Variants in CACHD1 observed in about 807,000 individuals in gnomAD.
CACHD1 encodes VWFA and cache domain-containing protein 1.
CACHD1 carries 71 observed loss-of-function variants against 138.7 expected under a neutral mutation model. The ratio of observed to expected loss-of-function variants is 0.51; its 90% CI spans 0.42 to 0.62. The LOEUF is 0.62. CACHD1 is among the 20% of genes least tolerant of loss of function. CACHD1 has a pLI of 0.00. For synonymous variants in CACHD1, 578 were observed against 591.5 expected, an observed-to-expected ratio of 0.98 and a Z score of 0.33; for missense variants, 1,389 against 1,625.3, an observed-to-expected ratio of 0.85 and a Z score of 2.50.
Position 64,675,564 on chromosome 1 carries a change from A to C in CACHD1, c.2888+3A>C. The C allele has an allele frequency of 6.2e-7, 1 of 1,605,452 alleles. No individual in the cohort carries two copies. On this transcript the variant is annotated splice_donor_region_variant and intron_variant, in intron 20 of 26. Transcript: ENST00000651257. The stretch of plus-strand genomic sequence containing the variant: ...CGACTCTGTCTCAACTGTCACCGGT[A>C]AAAATGCAATGGGTCATATTCTGTG...
chr1:64,508,425 G>A (rs915076343), intron 1 of CACHD1, among the ~76,000 whole-genome samples: 1 of 152,218 alleles, frequency 6.6e-6, no homozygotes, highest in African/African-American at 2.4e-5. Context: ...GGAAGAAATA[G>A]CACTGGATTT....
chr1:64,652,315 T>C lies in CACHD1; in HGVS notation c.1540+5T>C. ...CTTTTCTCATAGACGACAAAGGTAATCTGCTAAATGTTCATCCTAAGAATA... is the reference window on the plus strand; with the variant it reads ...CTTTTCTCATAGACGACAAAGGTAACCTGCTAAATGTTCATCCTAAGAATA... On this transcript the variant is annotated splice_donor_5th_base_variant and intron_variant, in intron 10 of 26. Transcript: ENST00000651257. 1 of 1,602,086 alleles carries C rather than the reference T, an allele frequency of 6.2e-7. No homozygotes were observed. The highest frequency in any genetic ancestry group is 8.5e-7 in the Non-Finnish European group (1 of 1,176,410).
At chr1:64,487,220 G>T (rs893260553) in intron 1 of CACHD1, among the ~76,000 whole-genome samples, 3 of 152,150 alleles carry the variant, frequency 2.0e-5, no homozygotes, top group Admixed American at 6.6e-5. Context: ...CCTCTGGCTG[G>T]TTCCATTTTT....
At chr1:64,493,146 A>C (rs1368726238) in intron 1 of CACHD1, among the ~76,000 whole-genome samples, 3 of 152,256 alleles carry the variant, frequency 2.0e-5, no homozygotes, top group African/African-American at 7.2e-5. Context: ...TGAACTGGGA[A>C]ATCATTTGCA....
chr1:64,533,319 A>G (rs1485545141), intron 1 of CACHD1, among the ~76,000 whole-genome samples: 2 of 152,186 alleles, frequency 1.3e-5, no homozygotes, highest in African/African-American at 4.8e-5. Context: ...TTGTGCCATC[A>G]CACTCCAGCC....
rs112543449 is a variant in CACHD1 at position 64,641,835 on chromosome 1, T to C, written c.1022T>C (p.Ile341Thr). The change falls in exon 8 of 27, where the codon ATC (isoleucine) becomes ACC (threonine). Residue 341 changes from isoleucine (I) to threonine (T), a missense_variant. Transcript: ENST00000651257. ...TTTTGTTTAGATACAGACATGGTCA[T>C]CATTTACCTGTCAGCTGGCATTACA... ...TKFQANTDMV[I>T]IYLSAGITSK... is the part of the protein sequence containing the mutation. The C allele has an allele frequency of 1.3e-6, 2 of 1,575,968 alleles. No individual in the cohort carries two copies. The highest frequency in any genetic ancestry group is 1.7e-6 in the Non-Finnish European group (2 of 1,166,482).
chr1:64,603,808 C>A (rs1211480267), intron 4 of CACHD1, among the ~76,000 whole-genome samples: 1 of 152,154 alleles, frequency 6.6e-6, no homozygotes. Flanking sequence ...AGTTCCACTC[C>A]ATATTTCTCT....
Position 64,602,895 on chromosome 1 carries a change from G to A in CACHD1, c.500G>A (p.Gly167Glu). 1 of 1,611,698 alleles carries A rather than the reference G, an allele frequency of 6.2e-7. No individual in the cohort carries two copies. Among genetic ancestry groups the A allele is most frequent in the African/African-American group, 1.3e-5 (1 of 74,890 alleles). The change falls in exon 4 of 27, where the codon GGA (glycine) becomes GAA (glutamate). Residue 167 changes from glycine to glutamate, a missense_variant. Coordinates refer to ENST00000651257, the MANE Select transcript of CACHD1 (RefSeq NM_020925.4). ...TTVNSRAFNP[G>E]RDLNSVLADN... ...GTTAATAGCCGGGCCTTCAATCCAG[G>A]ACGAGACTTAAATTCAGGTCAGTAA...
chr1:64,555,191 G>A (rs1039341661), intron 2 of CACHD1, among the ~76,000 whole-genome samples: 2 of 151,910 alleles, frequency 1.3e-5, no homozygotes, highest in Non-Finnish European at 2.9e-5. Context: ...GTTTCTCCAC[G>A]TTGCCCAGGC....
intron 1 of CACHD1, among the ~76,000 whole-genome samples, chr1:64,471,443 A>G (rs923492903): frequency 2.0e-5 from 3 of 152,140 alleles, no homozygotes; most frequent in African/African-American, 7.2e-5. Context: ...ACCGAGGCGC[A>G]CCAATGGGCG....
intron 12 of CACHD1, among the ~76,000 whole-genome samples, chr1:64,656,418 C>T (rs533666752): frequency 2.0e-5 from 3 of 152,064 alleles, no homozygotes; most frequent in East Asian, 3.9e-4. Flanking sequence ...AAGGGTGAGC[C>T]GGCCACCAAA....
intron 7 of CACHD1, among the ~76,000 whole-genome samples, chr1:64,635,609 C>T (rs1202235470): frequency 1.3e-5 from 2 of 150,892 alleles, no homozygotes; most frequent in Non-Finnish European, 3.0e-5. Context: ...ATCTTGAACT[C>T]CTGACCTTGT....
chr1:64,639,084 T>C (rs1392012592), intron 7 of CACHD1, among the ~76,000 whole-genome samples: 1 of 152,140 alleles, frequency 6.6e-6, no homozygotes, highest in Non-Finnish European at 1.5e-5. Context: ...TAAATGACAG[T>C]GTATTTTATG....
Position 64,647,728 on chromosome 1 carries a change from T to G in CACHD1, c.1157-73T>G, listed in dbSNP as rs1021014004. On this transcript the variant is annotated intron_variant, in intron 8 of 26. Transcript: ENST00000651257. ...AGACCTCATCCATGCCCGTATTTGA[T>G]CTAAATGGCAAGAGGTTGAATGGAT... 3 of 1,298,192 alleles carry G rather than the reference T, an allele frequency of 2.3e-6. No individual in the cohort carries two copies. The African/African-American group carries it at 4.4e-5, about 19-fold the overall frequency. 80.4% of individuals were successfully genotyped at this position (1,298,192 alleles called of 1,614,324 possible). A position where few individuals can be genotyped will look rare whatever the true frequency, so the allele number is the denominator to read the frequency against.
chr1:64,489,488 A>C (rs1353185604), intron 1 of CACHD1, among the ~76,000 whole-genome samples: 1 of 152,186 alleles, frequency 6.6e-6, no homozygotes, highest in African/African-American at 2.4e-5. Flanking sequence ...GTCTGGAACA[A>C]CATTCACATA....
intron 22 of CACHD1, among the ~76,000 whole-genome samples, chr1:64,677,317 AAGGCTCT>A (rs1650031345): frequency 6.6e-6 from 1 of 152,174 alleles, no homozygotes. Context: ...CCCAGTGGTC[AAGGCTCT>A]AGGTGTGATA....
chr1:64,502,619 T>C (rs1450253117), intron 1 of CACHD1, among the ~76,000 whole-genome samples: 3 of 126,014 alleles, frequency 2.4e-5, no homozygotes, highest in African/African-American at 1.4e-4. Flanking sequence ...TCTTTTTAGA[T>C]TATAATTTTT....
At chr1:64,559,612 A>G (rs1570365614) in intron 2 of CACHD1, among the ~76,000 whole-genome samples, 2 of 152,164 alleles carry the variant, frequency 1.3e-5, no homozygotes, top group East Asian at 1.9e-4. Flanking sequence ...GTGTTTCTCT[A>G]TGAACAAACC....
chr1:64,606,780 G>A (rs529047258), intron 4 of CACHD1, among the ~76,000 whole-genome samples: 4 of 152,280 alleles, frequency 2.6e-5, no homozygotes, highest in African/African-American at 7.2e-5. Flanking sequence ...TGTTTTGAAG[G>A]TAGAATCAGT....
Sources: allele counts gnomAD v4.1 joint callset (sites outside exome capture counted in the v4.1 genomes callset), GRCh38; gene constraint gnomAD v4.1.1; transcripts MANE v1.5; gene names NCBI Gene and HGNC (gene_info 2026-07-23, HGNC 2026-07-21).